CENPF: variants seen among roughly 807,000 people sequenced by gnomAD.
CENPF encodes AH antigen.
CENPF carries 214 observed loss-of-function variants against 307.3 expected under a neutral mutation model. That is an observed-to-expected ratio of 0.70 (90% CI 0.62 to 0.78). The LOEUF is 0.78. Ranked by LOEUF, CENPF falls within the 30% of genes least tolerant of loss-of-function variation. CENPF has a pLI of 0.00. For synonymous variants in CENPF, 1,259 were observed against 1,270.6 expected, an observed-to-expected ratio of 0.99 and a Z score of 0.19; for missense variants, 3,401 against 3,483.9, an observed-to-expected ratio of 0.98 and a Z score of 0.60.
rs373878385 is a variant in CENPF, at chr1:214,663,833, C to T, written c.*39C>T. ...GTCAGTACCCCTGGGAGGTGCCAGT[C>T]ATTGAATAGATAAGGCTGTGCCTAC... On this transcript the variant is annotated 3_prime_UTR_variant, in exon 20 of 20. Coordinates refer to ENST00000366955, the MANE Select transcript of CENPF (RefSeq NM_016343.4). 2.4e-5 allele frequency: 37 copies of T among 1,535,422 alleles called. No homozygotes were observed. The highest frequency in any genetic ancestry group is 3.0e-5 in the Non-Finnish European group (34 of 1,114,910).
rs762621715 is a variant in CENPF, at chr1:214,643,130, C to CT, written c.4794dup (p.Arg1599Ter). On this transcript the variant is annotated frameshift_variant, in exon 12 of 20. Coordinates refer to ENST00000366955, the MANE Select transcript of CENPF (RefSeq NM_016343.4). LOFTEE classifies it high-confidence loss of function. ...TTCTGAAAGGCAAGAGCTTGACTGC[C>CT]TTAGGAAGCAGTATTTGTCAGAAAA... The CT allele has an allele frequency of 1.3e-6, 2 of 1,599,480 alleles. No homozygotes were observed. The highest frequency in any genetic ancestry group is 2.3e-5 in the South Asian group (2 of 88,826).
rs1658084796 is a variant in CENPF, at chr1:214,640,641, A to C, written c.2303A>C (p.Lys768Thr). Residue 768 changes from lysine (K) to threonine (T), a missense_variant, in exon 12 of 20, where the codon AAA becomes ACA. Physicochemically the swap from Lys to Thr is moderately conservative, Grantham distance 78. Transcript: ENST00000366955. ...AEYESLRDLL[K>T]SKDASLVTNE... The stretch of plus-strand genomic sequence containing the variant: ...TATGAGAGCCTCAGGGATCTGCTAA[A>C]ATCCAAAGATGCTTCTCTGGTGACA... The C allele has an allele frequency of 6.2e-7, 1 of 1,614,160 alleles. No individual in the cohort carries two copies. The highest frequency in any genetic ancestry group is 1.3e-5 in the African/African-American group (1 of 75,070).
chr1:214,622,806 A>G (rs1406988310), intron 7 of CENPF, among the ~76,000 whole-genome samples: 2 of 99,298 alleles, frequency 2.0e-5, no homozygotes, highest in East Asian at 5.6e-4. Context: ...TCAACCAACT[A>G]TGGATCGTAA....
chr1:214,651,953 T>C (rs1317890328), intron 15 of CENPF, 67 bp downstream of exon 15: 13 of 1,399,426 alleles, frequency 9.3e-6, no homozygotes, highest in Admixed American at 5.4e-5. Flanking sequence ...AGGCTTTTTT[T>C]TTTTTCCAAA....
At chr1:214,648,540 T>A (rs778395484) in intron 13 of CENPF, 135 bp from the exon 14 acceptor site, 5 of 939,186 alleles carry the variant, frequency 5.3e-6, no homozygotes, top group Middle Eastern at 2.1e-4. Context: ...AGTGGATTAG[T>A]AAAGGCGGGA....
At chr1:214,606,000 A>G in intron 1 of CENPF, 2 of 1,597,028 alleles carry the variant, frequency 1.3e-6, no homozygotes, top group Non-Finnish European at 1.7e-6. Flanking sequence ...GCACACTCGT[A>G]GCGCGAGGCC....
chr1:214,650,043 G>A (rs1045530058), intron 14 of CENPF, among the ~76,000 whole-genome samples: 1 of 152,142 alleles, frequency 6.6e-6, no homozygotes, highest in Non-Finnish European at 1.5e-5. Flanking sequence ...ATACTATAAA[G>A]GAAACAAATA....
intron 12 of CENPF, among the ~76,000 whole-genome samples, chr1:214,643,746 G>A (rs1462845323): frequency 2.0e-5 from 3 of 152,014 alleles, no homozygotes; most frequent in African/African-American, 4.8e-5. Context: ...TGGCATTATC[G>A]TCATGAAACT....
intron 3 of CENPF, among the ~76,000 whole-genome samples, chr1:214,616,021 T>G (rs907504742): frequency 3.3e-5 from 5 of 152,158 alleles, no homozygotes; most frequent in African/African-American, 1.2e-4. Flanking sequence ...ACTTATTTTT[T>G]CCATCAGTTG....
At chr1:214,625,863 C>T (rs1034264351) in intron 7 of CENPF, among the ~76,000 whole-genome samples, 7 of 151,504 alleles carry the variant, frequency 4.6e-5, no homozygotes, top group African/African-American at 1.7e-4. Flanking sequence ...GTCTTTTTAC[C>T]CTCCCTCATT....
At chr1:214,608,562 G>C in intron 1 of CENPF, 1 of 1,610,634 alleles carries the variant, frequency 6.2e-7, no homozygotes, top group East Asian at 2.2e-5. Flanking sequence ...TGCGGCGGGC[G>C]CTCTTGGTGG....
chr1:214,609,087 C>T (rs1304863379), intron 1 of CENPF, among the ~76,000 whole-genome samples: 3 of 151,686 alleles, frequency 2.0e-5, no homozygotes, highest in Non-Finnish European at 2.9e-5. Flanking sequence ...CCCACCCCGG[C>T]CCGCGCCCCT....
chr1:214,647,470 A>G (rs1658346116), intron 13 of CENPF, 70 bp downstream of exon 13: 3 of 1,467,102 alleles, frequency 2.0e-6, no homozygotes, highest in Admixed American at 2.5e-5. Flanking sequence ...TCTTCTAGAC[A>G]CTGTGAATTG....
At position 214,620,727 on chromosome 1, in the gene CENPF, G is replaced by A; in HGVS notation, c.646G>A (p.Val216Met). The A allele has an allele frequency of 6.2e-7, 1 of 1,614,118 alleles. No homozygotes were observed. Among genetic ancestry groups the A allele is most frequent in the Middle Eastern group, 1.6e-4 (1 of 6,062 alleles). ...TGCCCGGCATCAGGCTTCATCATCT[G>A]TGTTCTCATGGCAGCAAGAGAAGAC... ...DIARHQASSSVFSWQQEKTPS... is the reference protein window; with the variant it reads ...DIARHQASSSMFSWQQEKTPS... Residue 216 changes from valine (V) to methionine (M), a missense_variant, in exon 6 of 20, where the codon GTG becomes ATG. Physicochemically the swap from Val to Met is conservative, Grantham distance 21. Coordinates refer to ENST00000366955, the MANE Select transcript of CENPF (RefSeq NM_016343.4).
intron 18 of CENPF, 54 bp from the exon 19 acceptor site, chr1:214,658,796 A>G: frequency 7.1e-6 from 11 of 1,548,222 alleles, no homozygotes; most frequent in Non-Finnish European, 9.7e-6. Context: ...TATCTTTTCC[A>G]CTGTAGATAG....
At position 214,657,339 on chromosome 1, in the gene CENPF, T is replaced by G; in HGVS notation, c.8892T>G (p.Gly2964=). 1 of 1,613,556 alleles carries G rather than the reference T, an allele frequency of 6.2e-7. No individual in the cohort carries two copies. The highest frequency in any genetic ancestry group is 1.1e-5 in the South Asian group (1 of 91,084). Residue 2964 remains glycine, a synonymous_variant, in exon 18 of 20, where the codon GGT becomes GGG. Transcript: ENST00000366955. ...SKKSKKAVMS[G]IHPAEDTEGT... ...AAAGCAAGAAAGCAGTCATGAGTGG[T>G]ATTCACCCTGCAGAAGACACGGAAG...
At chr1:214,636,575 A>G (rs1558180414) in intron 10 of CENPF, among the ~76,000 whole-genome samples, 2 of 152,202 alleles carry the variant, frequency 1.3e-5, no homozygotes, top group East Asian at 1.9e-4. Flanking sequence ...AGTACTTTCT[A>G]CTAGCCAGAT....
At position 214,641,459 on chromosome 1, in the gene CENPF, C is replaced by A. The variant is rs753675835; in HGVS notation, c.3121C>A (p.Gln1041Lys). ...CGGAAATGCATATGAGGATCTTAGT[C>A]AAAAATACAAAGCAGCACAGGAAAA... ...ETGNAYEDLS[Q>K]KYKAAQEKNS... The change falls in exon 12 of 20, where the codon CAA (glutamine) becomes AAA (lysine). Residue 1041 changes from glutamine to lysine, a missense_variant. Physicochemically the swap from Gln to Lys is moderately conservative, Grantham distance 53. Transcript: ENST00000366955. 3 of 1,543,352 alleles carry A rather than the reference C, an allele frequency of 1.9e-6. No homozygotes were observed. The highest frequency in any genetic ancestry group is 1.3e-5 in the South Asian group (1 of 77,808).
intron 7 of CENPF, among the ~76,000 whole-genome samples, chr1:214,624,243 T>C (rs1383424292): frequency 3.9e-5 from 6 of 152,136 alleles, no homozygotes; most frequent in African/African-American, 1.4e-4. Context: ...GCTTTCTTTT[T>C]TTCCCCTGCC....
Sources: allele counts gnomAD v4.1 joint callset (sites outside exome capture counted in the v4.1 genomes callset), GRCh38; gene constraint gnomAD v4.1.1; transcripts MANE v1.5; gene names NCBI Gene and HGNC (gene_info 2026-07-23, HGNC 2026-07-21).